KALRN: variants seen among roughly 807,000 people sequenced by gnomAD.
The protein encoded by KALRN is kalirin.
A neutral mutation model predicts 353.7 loss-of-function variants in KALRN; 70 were observed. The ratio of observed to expected loss-of-function variants is 0.20; its 90% CI spans 0.16 to 0.24. The LOEUF is 0.24. KALRN is among the 10% of genes least tolerant of loss of function. The pLI is 1.00. For synonymous variants in KALRN, 1,391 were observed against 1,434.8 expected (o/e 0.97, Z 0.69); for missense variants, 2,791 against 3,756.7 (o/e 0.74, Z 6.72).
At chr3:124,432,822 C>T (rs1429907722) in intron 16 of KALRN, among the ~76,000 whole-genome samples, 2 of 152,172 alleles carry the variant, frequency 1.3e-5, no homozygotes, top group African/African-American at 4.8e-5. Context: ...TATCTGGATA[C>T]AACTTGATCA....
intron 1 of KALRN, among the ~76,000 whole-genome samples, chr3:124,096,901 G>A (rs1222676773): frequency 3.3e-5 from 5 of 152,186 alleles, no homozygotes. Context: ...AGCAAAAGCT[G>A]GTTGCAAGAA....
Position 124,466,646 on chromosome 3 carries a change from C to A in KALRN, c.4031+4013C>A, listed in dbSNP as rs943347492. Among the ~76,000 whole-genome samples, 3 of 152,148 alleles carry A rather than the reference C, an allele frequency of 2.0e-5. No individual in the cohort carries two copies. The South Asian group carries it at 6.2e-4, about 32-fold the overall frequency. On this transcript the variant is annotated intron_variant, in intron 25 of 59. Coordinates refer to ENST00000682506, the MANE Select transcript of KALRN (RefSeq NM_001388419.1). ...ATTTTCATAAAATCTCTACTCCCAG[C>A]GCTCAGAGGGTCCTCTCAACCATCA...
chr3:124,175,218 A>C (rs1010587246), intron 1 of KALRN, among the ~76,000 whole-genome samples: 1 of 152,178 alleles, frequency 6.6e-6, no homozygotes, highest in African/African-American at 2.4e-5. Flanking sequence ...AGTTCTCTGC[A>C]CTCAAGATGC....
chr3:124,488,155 G>A (rs769878627), intron 28 of KALRN, 49 bp from the exon 29 acceptor site: 1 of 1,135,908 alleles, frequency 8.8e-7, no homozygotes, highest in Admixed American at 1.7e-5. Context: ...GTGGTGGGAG[G>A]AAGCTGGGGG....
chr3:124,568,892 T>A (rs1055863368), intron 34 of KALRN, among the ~76,000 whole-genome samples: 3 of 152,074 alleles, frequency 2.0e-5, no homozygotes, highest in African/African-American at 7.2e-5. Flanking sequence ...AGATGAAAAA[T>A]GTTCTGGAGA....
In KALRN at chr3:124,678,233, G is replaced by C; in HGVS notation, c.7237G>C (p.Glu2413Gln). 1.2e-6 allele frequency: 2 copies of C among 1,614,054 alleles called. No homozygotes were observed. Among genetic ancestry groups the C allele is most frequent in the Non-Finnish European group, 1.7e-6 (2 of 1,179,958 alleles). ...TACTCTACGCATGAGAAAGCGGGCG[G>C]AAGTGGAGAACACGGGTAAAAATGA... ...WHTLRMRKRAEVENTGKNEAT... is the reference protein window; with the variant it reads ...WHTLRMRKRAQVENTGKNEAT... The change falls in exon 50 of 60, where the codon GAA (glutamate) becomes CAA (glutamine). Residue 2413 changes from glutamate to glutamine, a missense_variant. By Grantham distance (29) the Glu-to-Gln change is conservative (BLOSUM62 2). Transcript: ENST00000682506.
intron 25 of KALRN, among the ~76,000 whole-genome samples, chr3:124,472,575 ATG>A (rs57265173): frequency 0.018 from 2,712 of 148,340 alleles, 32 homozygotes; most frequent in African/African-American, 0.041. Context: ...GTGTGTGTAT[ATG>A]TGTGTGTGTG....
chr3:124,041,383 A>C (rs1209213490), intron 1 of KALRN, among the ~76,000 whole-genome samples: 1 of 151,486 alleles, frequency 6.6e-6, no homozygotes, highest in Admixed American at 6.6e-5. Context: ...ATCCGAATAT[A>C]TGTAGATCTT....
At position 124,522,351 on chromosome 3, in the gene KALRN, A is replaced by G. The variant is rs2067234765; in HGVS notation, c.4935+25938A>G. On this transcript the variant is annotated intron_variant, in intron 33 of 59. Coordinates refer to ENST00000682506, the MANE Select transcript of KALRN (RefSeq NM_001388419.1). The stretch of plus-strand genomic sequence containing the variant: ...ATACAAATATACAAATGAATTGGTG[A>G]TAAATATATCTCTTTAAGTGTGACA... Among the ~76,000 whole-genome samples the G allele has an allele frequency of 3.3e-5, 5 of 152,204 alleles. No homozygotes were observed. In the South Asian group the frequency reaches 1.0e-3, roughly 32 times the overall value.
At chr3:124,458,086 G>A (rs1271076961) in intron 23 of KALRN, among the ~76,000 whole-genome samples, 1 of 151,992 alleles carries the variant, frequency 6.6e-6, no homozygotes, top group African/African-American at 2.4e-5. Context: ...GACCGGCCTG[G>A]CCAACATGGT....
At chr3:124,444,982 C>T (rs1014589710) in intron 19 of KALRN, among the ~76,000 whole-genome samples, 3 of 152,172 alleles carry the variant, frequency 2.0e-5, no homozygotes, top group Non-Finnish European at 4.4e-5. Flanking sequence ...AAGCACTTCA[C>T]TTTGGGTTGT....
chr3:124,409,858 A>G (rs1336103583), intron 13 of KALRN, among the ~76,000 whole-genome samples: 1 of 152,070 alleles, frequency 6.6e-6, no homozygotes, highest in Non-Finnish European at 1.5e-5. Context: ...AACACACACA[A>G]ATCAGACTAA....
Position 124,658,488 on chromosome 3 carries a change from A to G in KALRN, c.6094A>G (p.Ile2032Val), listed in dbSNP as rs376402588. The G allele has an allele frequency of 8.1e-6, 13 of 1,614,000 alleles. No individual in the cohort carries two copies. The highest frequency in any genetic ancestry group is 5.3e-5 in the African/African-American group (4 of 74,928). Residue 2032 changes from isoleucine (I) to valine (V), a missense_variant, in exon 42 of 60, where the codon ATC becomes GTC. This residue lies in a region of KALRN where 1,065 missense variants were observed against 1,156.4 expected (regional missense o/e 0.92). Coordinates refer to ENST00000682506, the MANE Select transcript of KALRN (RefSeq NM_001388419.1). Reference protein sequence around the residue: ...YCQNKPRSEYIVAEYDAYFEE... With the variant: ...YCQNKPRSEYVVAEYDAYFEE... ...TCAGAATAAGCCGCGCTCAGAGTAC[A>G]TCGTTGCTGAGTATGACGCCTACTT... is the stretch of plus-strand genomic sequence containing the variant.
At chr3:124,154,163 C>A (rs2068620975) in intron 1 of KALRN, among the ~76,000 whole-genome samples, 1 of 152,136 alleles carries the variant, frequency 6.6e-6, no homozygotes, top group Non-Finnish European at 1.5e-5. Context: ...GTTGCCATTG[C>A]TTTTGGTGTT....
intron 54 of KALRN, among the ~76,000 whole-genome samples, chr3:124,696,628 G>A (rs937842627): frequency 1.9e-4 from 29 of 152,204 alleles, no homozygotes; most frequent in Non-Finnish European, 3.4e-4. Context: ...CAATCCTCCC[G>A]TCTTGGCCTC....
At chr3:124,293,272 G>A (rs190440957) in intron 5 of KALRN, among the ~76,000 whole-genome samples, 61 of 152,298 alleles carry the variant, frequency 4.0e-4, no homozygotes, top group African/African-American at 1.4e-3. Context: ...TAATACCAAT[G>A]TAATCTATAA....
At chr3:124,153,158 G>A (rs2068429706) in intron 1 of KALRN, 1 of 151,944 alleles carries the variant, frequency 6.6e-6, no homozygotes, top group Non-Finnish European at 1.4e-5. Context: ...GGGTACATGT[G>A]CACAATGTGC....
chr3:124,325,388 C>G (rs947150995), intron 6 of KALRN, among the ~76,000 whole-genome samples: 7 of 152,144 alleles, frequency 4.6e-5, no homozygotes, highest in African/African-American at 1.4e-4. Context: ...TTATTTAAAC[C>G]CTGTTTGATG....
intron 1 of KALRN, among the ~76,000 whole-genome samples, chr3:124,213,506 T>TA (rs869262787): frequency 2.0e-5 from 3 of 152,212 alleles, no homozygotes; most frequent in South Asian, 4.1e-4. Context: ...TTATCTTTTT[T>TA]AAAAAAAGTT....
Sources: gnomAD v4.1 joint callset for allele counts (sites outside exome capture counted in the v4.1 genomes callset) on GRCh38, gnomAD v4.1.1 for gene constraint, gnomAD v4.1.1 regional missense constraint, MANE v1.5 for transcripts, NCBI Gene and HGNC (gene_info 2026-07-23, HGNC 2026-07-21) for gene names.